Variants in RCAN2 observed in about 807,000 individuals in gnomAD.
RCAN2 encodes the protein calcipressin-2.
RCAN2 carries 9 observed loss-of-function variants against 23.6 expected under a neutral mutation model. That is an observed-to-expected ratio of 0.38 (90% CI 0.23 to 0.67). The LOEUF is 0.67. Ranked by LOEUF, RCAN2 falls within the 30% of genes least tolerant of loss-of-function variation. RCAN2 has a pLI of 0.51. For missense variants in RCAN2, 273 were observed against 302.3 expected, an observed-to-expected ratio of 0.90 and a Z score of 0.72; for synonymous variants, 109 against 115.7, an observed-to-expected ratio of 0.94 and a Z score of 0.37.
At chr6:46,403,215 T>G (rs1582173549) in intron 2 of RCAN2, among the ~76,000 whole-genome samples, 1 of 151,946 alleles carries the variant, frequency 6.6e-6, no homozygotes, top group East Asian at 2.0e-4. Flanking sequence ...TCCGCCCACC[T>G]CAGCCTCCCA....
At chr6:46,232,486 A>T (rs1765930435) in intron 4 of RCAN2, among the ~76,000 whole-genome samples, 1 of 151,960 alleles carries the variant, frequency 6.6e-6, no homozygotes, top group Non-Finnish European at 1.5e-5. Flanking sequence ...ATTAACTGGG[A>T]GTGCTCATTA....
chr6:46,236,763 C>T (rs1458735876), intron 4 of RCAN2, among the ~76,000 whole-genome samples: 1 of 152,200 alleles, frequency 6.6e-6, no homozygotes, highest in African/African-American at 2.4e-5. Flanking sequence ...TAAAGGCAAG[C>T]ATCTATCCTC....
chr6:46,461,849 T>C (rs1246495861), intron 1 of RCAN2, among the ~76,000 whole-genome samples: 1 of 152,098 alleles, frequency 6.6e-6, no homozygotes, highest in Non-Finnish European at 1.5e-5. Context: ...GCCTCCCAAA[T>C]TGTTGAGATT....
intron 4 of RCAN2, among the ~76,000 whole-genome samples, chr6:46,229,081 A>T (rs934744436): frequency 1.3e-5 from 2 of 152,174 alleles, no homozygotes; most frequent in Non-Finnish European, 2.9e-5. Context: ...TCTCTTTAAG[A>T]ATGTTGAATA....
chr6:46,250,659 C>T (rs1396885897), intron 2 of RCAN2, among the ~76,000 whole-genome samples: 1 of 152,172 alleles, frequency 6.6e-6, no homozygotes, highest in African/African-American at 2.4e-5. Flanking sequence ...GTCCTTGTGA[C>T]CCTGACTAGA....
rs567925842 is a variant in RCAN2, at chr6:46,335,887, T to C, written c.226-86991A>G. Among the ~76,000 whole-genome samples, 28 of 152,344 alleles carry C rather than the reference T, an allele frequency of 1.8e-4. 1 individual carries two copies. The South Asian group carries it at 5.0e-3, about 27-fold the overall frequency. On this transcript the variant is annotated intron_variant, in intron 2 of 4. Transcript: ENST00000371374. ...TATCATTTCCTTAGGGCTAACTTTG[T>C]GAAGGAACTCTGTAAACATTCATAG...
At chr6:46,375,571 C>T (rs1351530389) in intron 2 of RCAN2, among the ~76,000 whole-genome samples, 1 of 152,220 alleles carries the variant, frequency 6.6e-6, no homozygotes, top group African/African-American at 2.4e-5. Context: ...CTCTGCCCCA[C>T]ATACTAACTG....
rs139123945 is a variant in RCAN2 at position 46,243,230 on chromosome 6, G to A, written c.571+3518C>T. On this transcript the variant is annotated intron_variant, in intron 4 of 4. Transcript: ENST00000371374. The stretch of plus-strand genomic sequence containing the variant: ...GATATTTTCAACTCAATTGTTGGAC[G>A]CAAATCATGCATGTGTGTGGCTGAG... Among the ~76,000 whole-genome samples, 657 of 152,204 alleles carry A rather than the reference G, an allele frequency of 4.3e-3. 4 individuals carry two copies. The highest frequency in any genetic ancestry group is 0.021 in the South Asian group (102 of 4,824).
chr6:46,406,126 C>T (rs1033201903), intron 2 of RCAN2, among the ~76,000 whole-genome samples: 2 of 152,168 alleles, frequency 1.3e-5, no homozygotes, highest in Non-Finnish European at 2.9e-5. Flanking sequence ...CGCGCAGCCC[C>T]GGTTCCTGCT....
In RCAN2 at chr6:46,221,853, G is replaced by A. The variant is rs2150300076; in HGVS notation, c.*1288C>T. ...ATAGCAGAAGGTAATGGTTCTATAGGTGTATCTTCTGTAATGCACTTTGGG... is the reference window on the plus strand; with the variant it reads ...ATAGCAGAAGGTAATGGTTCTATAGATGTATCTTCTGTAATGCACTTTGGG... On this transcript the variant is annotated 3_prime_UTR_variant, in exon 5 of 5. Coordinates refer to ENST00000371374, the MANE Select transcript of RCAN2 (RefSeq NM_001251974.2). 5 of 398,296 alleles carry A rather than the reference G, an allele frequency of 1.3e-5. No homozygotes were observed. In the East Asian group the frequency reaches 1.8e-4, roughly 14 times the overall value. The allele number at this position is 398,296 out of a possible 1,614,324, so 24.7% of individuals were successfully genotyped here. A position where few individuals can be genotyped will look rare whatever the true frequency, so the allele number is the denominator to read the frequency against.
chr6:46,479,648 C>G (rs534046316), intron 1 of RCAN2, among the ~76,000 whole-genome samples: 1 of 135,630 alleles, frequency 7.4e-6, no homozygotes, highest in East Asian at 2.3e-4. Context: ...AGAGCAGTGG[C>G]GTGAGCTCAC....
chr6:46,453,230 C>G (rs753920676), intron 2 of RCAN2, among the ~76,000 whole-genome samples: 1 of 150,844 alleles, frequency 6.6e-6, no homozygotes, highest in Non-Finnish European at 1.5e-5. Flanking sequence ...CTGTGAAGAT[C>G]ACAGTTTTAA....
rs146087362 is a variant in RCAN2 at position 46,452,039 on chromosome 6, T to A, written c.225+4713A>T. ...TTTATGTTTATTAGTTGTTTGCTTATTTTGAATAGACCACTCTTGGTACAT... is the reference window on the plus strand; with the variant it reads ...TTTATGTTTATTAGTTGTTTGCTTAATTTGAATAGACCACTCTTGGTACAT... On this transcript the variant is annotated intron_variant, in intron 2 of 4. Coordinates refer to ENST00000371374, the MANE Select transcript of RCAN2 (RefSeq NM_001251974.2). Among the ~76,000 whole-genome samples the A allele has an allele frequency of 2.3e-3, 350 of 152,326 alleles. 3 individuals carry two copies. Among genetic ancestry groups the A allele is most frequent in the South Asian group, 2.3e-3 (11 of 4,832 alleles).
chr6:46,489,436 T>C (rs1207185162), intron 1 of RCAN2, among the ~76,000 whole-genome samples: 1 of 152,248 alleles, frequency 6.6e-6, no homozygotes, highest in African/African-American at 2.4e-5. Context: ...CAAATAATTA[T>C]TGAATTGATC....
intron 2 of RCAN2, among the ~76,000 whole-genome samples, chr6:46,338,244 C>T (rs1289919576): frequency 6.6e-6 from 1 of 152,092 alleles, no homozygotes; most frequent in Admixed American, 6.5e-5. Context: ...TGCAGAAGAC[C>T]ACAGCCAAAA....
chr6:46,221,249 A>C lies in RCAN2; in HGVS notation c.*1892T>G, dbSNP rs928596319. ...ATTTCTTTAGAACCTGCATTCTGGA[A>C]ATTCAGGGTAGCTTAAAAAATCAAG... On this transcript the variant is annotated 3_prime_UTR_variant, in exon 5 of 5. Coordinates refer to ENST00000371374, the MANE Select transcript of RCAN2 (RefSeq NM_001251974.2). The C allele has an allele frequency of 5.2e-5, 8 of 152,672 alleles. No homozygotes were observed. The highest frequency in any genetic ancestry group is 1.9e-4 in the African/African-American group (8 of 41,580). The allele number at this position is 152,672 out of a possible 1,614,324, so 9.5% of individuals were successfully genotyped here.
intron 2 of RCAN2, chr6:46,438,476 A>G (rs548345410): frequency 6.6e-6 from 1 of 152,366 alleles, no homozygotes; most frequent in South Asian, 2.1e-4. Context: ...GTGACACATC[A>G]TGGAGCTCAA....
chr6:46,370,760 C>T (rs1012172490), intron 2 of RCAN2, among the ~76,000 whole-genome samples: 3 of 152,338 alleles, frequency 2.0e-5, no homozygotes, highest in East Asian at 1.9e-4. Flanking sequence ...TGAAGGGTTT[C>T]GTTCCCTGCT....
chr6:46,312,377 C>T (rs1763292693), intron 2 of RCAN2, among the ~76,000 whole-genome samples: 1 of 152,158 alleles, frequency 6.6e-6, no homozygotes. Context: ...CACTGAATTT[C>T]CACTTACGAG....
Sources: gnomAD v4.1 joint callset for allele counts (sites outside exome capture counted in the v4.1 genomes callset) on GRCh38, gnomAD v4.1.1 for gene constraint, MANE v1.5 for transcripts, NCBI Gene and HGNC (gene_info 2026-07-23, HGNC 2026-07-21) for gene names.